The following NAALAD2 variants were observed in gnomAD, a reference collection of about 807,000 sequenced individuals.
NAALAD2 encodes the protein N-acetylated-alpha-linked acidic dipeptidase 2.
Under a neutral mutation model 95.6 loss-of-function variants are expected in NAALAD2, and 89 were observed. The observed-to-expected ratio is 0.93, with a 90% CI of 0.78 to 1.11. NAALAD2 has a LOEUF of 1.11. Ranked by LOEUF, NAALAD2 falls within the 50% of genes least tolerant of loss-of-function variation. The pLI, the probability that NAALAD2 is intolerant of heterozygous loss-of-function variation, is 0.00. For synonymous variants in NAALAD2, 264 were observed against 294.4 expected, an observed-to-expected ratio of 0.90 and a Z score of 1.06; for missense variants, 894 against 872.4, an observed-to-expected ratio of 1.02 and a Z score of -0.31.
At chr11:90,172,871 C>T (rs1017694151) in intron 13 of NAALAD2, among the ~76,000 whole-genome samples, 1 of 152,082 alleles carries the variant, frequency 6.6e-6, no homozygotes, top group African/African-American at 2.4e-5. Flanking sequence ...CAGAAAGGTA[C>T]CATTATCCCC....
At chr11:90,134,298 A>G (rs1392092995), upstream of NAALAD2, among the ~76,000 whole-genome samples, 2 of 152,230 alleles carry the variant, frequency 1.3e-5, no homozygotes, top group Non-Finnish European at 2.9e-5. Context: ...ACCCAGGACC[A>G]GAAATCATTT....
At chr11:90,189,853 CTA>C (rs1485332592) in intron 18 of NAALAD2, among the ~76,000 whole-genome samples, 1 of 152,074 alleles carries the variant, frequency 6.6e-6, no homozygotes, top group African/African-American at 2.4e-5. Flanking sequence ...GGAAAAAAGA[CTA>C]TGAAGTGTTG....
At chr11:90,147,793 G>C (rs1951782885) in intron 3 of NAALAD2, among the ~76,000 whole-genome samples, 1 of 152,140 alleles carries the variant, frequency 6.6e-6, no homozygotes, top group African/African-American at 2.4e-5. Flanking sequence ...ACCCAGAAAA[G>C]GGTCACTCAG....
At chr11:90,154,879 CATAAT>C (rs1246983938) in intron 6 of NAALAD2, among the ~76,000 whole-genome samples, 16 of 108,446 alleles carry the variant, frequency 1.5e-4, no homozygotes, top group Non-Finnish European at 2.3e-4. Flanking sequence ...TATACGTATA[CATAAT>C]ATATGTATAT....
At chr11:90,170,257 T>C (rs1952596443) in intron 13 of NAALAD2, 121 bp downstream of exon 13, 1 of 675,310 alleles carries the variant, frequency 1.5e-6, no homozygotes, top group African/African-American at 1.8e-5. Context: ...TAGAATCATA[T>C]AAACAAAACA....
At chr11:90,143,555 G>C (rs962827046) in intron 2 of NAALAD2, among the ~76,000 whole-genome samples, 4 of 152,042 alleles carry the variant, frequency 2.6e-5, no homozygotes, top group African/African-American at 9.7e-5. Context: ...TAGGCTCTCT[G>C]AGCTTCTTGA....
chr11:90,142,292 C>T (rs1335233160), intron 2 of NAALAD2, among the ~76,000 whole-genome samples: 3 of 152,134 alleles, frequency 2.0e-5, no homozygotes, highest in African/African-American at 7.2e-5. Context: ...TCTATTTGTC[C>T]CATTAACTTG....
chr11:90,143,678 TACAG>T (rs1236443654), intron 2 of NAALAD2, among the ~76,000 whole-genome samples: 6 of 152,294 alleles, frequency 3.9e-5, no homozygotes, highest in Admixed American at 3.9e-4. Flanking sequence ...AGTTAAACCC[TACAG>T]ACAGATACAC....
chr11:90,183,976 G>C (rs1409787180), intron 18 of NAALAD2, among the ~76,000 whole-genome samples: 1 of 151,900 alleles, frequency 6.6e-6, no homozygotes, highest in Non-Finnish European at 1.5e-5. Context: ...CATCCCTTTG[G>C]ATGTTCTCCA....
chr11:90,133,137 G>T (rs531817342), upstream of NAALAD2, among the ~76,000 whole-genome samples: 2 of 152,258 alleles, frequency 1.3e-5, no homozygotes, highest in South Asian at 4.2e-4. Flanking sequence ...TAGGAGCAAA[G>T]GTGCATTACC....
chr11:90,150,630 A>C (rs778329885), intron 5 of NAALAD2, 23 bp downstream of exon 5: 1 of 1,560,632 alleles, frequency 6.4e-7, no homozygotes, highest in East Asian at 2.3e-5. Context: ...TTGTTTTTCT[A>C]CAGAGAATGA....
At position 90,192,268 on chromosome 11, in the gene NAALAD2, AAT is replaced by A. The variant is rs1300916270; in HGVS notation, c.*523_*524del. The A allele has an allele frequency of 1.3e-5, 2 of 152,048 alleles. No individual in the cohort carries two copies. Among genetic ancestry groups the A allele is most frequent in the East Asian group, 3.8e-4 (2 of 5,196 alleles). The allele number at this position is 152,048 out of a possible 1,614,324, so 9.4% of individuals were successfully genotyped here. Reference sequence around the variant, plus strand: ...GTATAAACTGTGGTATCCATTACACAATAGACTACTTACTACTCAGCAATAAA... The same window carrying A: ...GTATAAACTGTGGTATCCATTACACAAGACTACTTACTACTCAGCAATAAA... On this transcript the variant is annotated 3_prime_UTR_variant, in exon 19 of 19. Transcript: ENST00000534061.
At chr11:90,177,586 G>GTTTTTTTTTTTTTTTTTTTTT (rs57694347) in intron 15 of NAALAD2, among the ~76,000 whole-genome samples, 721 of 28,468 alleles carry the variant, frequency 0.025, 318 homozygotes, top group Middle Eastern at 0.056. Flanking sequence ...TCTTTTTCTT[G>GTTTTTTTTTTTTTTTTTTTTT]TTTTTTTTTT....
At chr11:90,183,117 T>A (rs1423860343) in intron 18 of NAALAD2, 109 bp downstream of exon 18, 1 of 698,316 alleles carries the variant, frequency 1.4e-6, no homozygotes, top group Non-Finnish European at 2.6e-6. Context: ...ATGTACACTC[T>A]AGGGAATTTG....
At chr11:90,155,106 T>G (rs1590978266) in intron 6 of NAALAD2, among the ~76,000 whole-genome samples, 1 of 129,706 alleles carries the variant, frequency 7.7e-6, no homozygotes, top group Non-Finnish European at 1.5e-5. Context: ...CGTATACATA[T>G]GTATATATGT....
At chr11:90,166,751 C>T (rs1952463096) in intron 11 of NAALAD2, among the ~76,000 whole-genome samples, 2 of 150,780 alleles carry the variant, frequency 1.3e-5, no homozygotes, top group African/African-American at 2.4e-5. Flanking sequence ...AGGAGAATGG[C>T]GTGAACCCGG....
At chr11:90,184,844 C>T (rs1284895355) in intron 18 of NAALAD2, among the ~76,000 whole-genome samples, 1 of 151,932 alleles carries the variant, frequency 6.6e-6, no homozygotes, top group Non-Finnish European at 1.5e-5. Context: ...GATTCATCAA[C>T]TGCAGATAGA....
intron 6 of NAALAD2, among the ~76,000 whole-genome samples, chr11:90,156,970 A>G (rs901283025): frequency 3.3e-5 from 5 of 152,116 alleles, no homozygotes; most frequent in Admixed American, 1.3e-4. Context: ...GAGGTCGGAG[A>G]ACATACTGAG....
intron 16 of NAALAD2, among the ~76,000 whole-genome samples, chr11:90,178,496 C>T (rs1042547973): frequency 9.2e-5 from 14 of 151,922 alleles, no homozygotes; most frequent in African/African-American, 1.9e-4. Flanking sequence ...ATGGTGAAAC[C>T]GCGTCTCTAC....
Sources: gnomAD v4.1 joint callset for allele counts (sites outside exome capture counted in the v4.1 genomes callset) on GRCh38, gnomAD v4.1.1 for gene constraint, MANE v1.5 for transcripts, NCBI Gene and HGNC (gene_info 2026-07-23, HGNC 2026-07-21) for gene names.